Variants in GATAD2A observed in about 807,000 individuals in gnomAD.
The protein encoded by GATAD2A is transcriptional repressor p66-alpha.
GATAD2A carries 12 observed loss-of-function variants against 68.5 expected under a neutral mutation model. That is an observed-to-expected ratio of 0.18 (90% CI 0.11 to 0.28). The LOEUF (loss-of-function observed/expected upper bound fraction) is 0.28, where lower values mean the gene tolerates loss of function less well. GATAD2A is among the 10% of genes least tolerant of loss of function. The pLI, the probability that GATAD2A is intolerant of heterozygous loss-of-function variation, is 1.00. For missense variants in GATAD2A, 755 were observed against 868.5 expected (o/e 0.87, Z 1.64); for synonymous variants, 410 against 375.3 (o/e 1.09, Z -1.07).
chr19:19,474,119 G>T, intron 2 of GATAD2A: 1 of 985,326 alleles, frequency 1.0e-6, no homozygotes, highest in Non-Finnish European at 1.2e-6. Context: ...TGGAAAAAAG[G>T]TGTGCATCAC....
intron 1 of GATAD2A, among the ~76,000 whole-genome samples, chr19:19,459,854 C>A (rs1386871999): frequency 6.6e-6 from 1 of 152,240 alleles, no homozygotes; most frequent in Non-Finnish European, 1.5e-5. Flanking sequence ...GCTTGGAACA[C>A]CTTTCTGTCT....
chr19:19,444,137 C>T (rs1474817978), intron 1 of GATAD2A, among the ~76,000 whole-genome samples: 5 of 152,074 alleles, frequency 3.3e-5, no homozygotes, highest in Non-Finnish European at 5.9e-5. Context: ...TCCTTCCTGT[C>T]GCCTCCCTGC....
chr19:19,489,651 C>T (rs2148358105), intron 2 of GATAD2A, among the ~76,000 whole-genome samples: 1 of 152,356 alleles, frequency 6.6e-6, no homozygotes, highest in African/African-American at 2.4e-5. Context: ...CCCTCGCCTA[C>T]CCTCTTCCTT....
In GATAD2A at chr19:19,460,736, C is replaced by A. The variant is rs73002949; in HGVS notation, c.-6-4604C>A. ...AGCAACCCCCTCCGGAGTGCCCCAA[C>A]TCCCCTCTGCTCTGTCCCCTTCCCC... On this transcript the variant is annotated intron_variant, in intron 1 of 11. Coordinates refer to ENST00000683918, the MANE Select transcript of GATAD2A (RefSeq NM_001384528.1). Among the ~76,000 whole-genome samples, 536 of 152,322 alleles carry A rather than the reference C, an allele frequency of 3.5e-3. 6 individuals are homozygous for A. The highest frequency in any genetic ancestry group is 5.5e-3 in the Non-Finnish European group (377 of 68,024).
At chr19:19,470,391 C>T (rs1260595046) in intron 2 of GATAD2A, among the ~76,000 whole-genome samples, 1 of 152,196 alleles carries the variant, frequency 6.6e-6, no homozygotes, top group Non-Finnish European at 1.5e-5. Flanking sequence ...GCCTCACCCT[C>T]CCAAATTGCT....
At chr19:19,425,213 A>T (rs922840287) in intron 1 of GATAD2A, among the ~76,000 whole-genome samples, 1 of 152,126 alleles carries the variant, frequency 6.6e-6, no homozygotes, top group Admixed American at 6.6e-5. Context: ...TGGGGAGGCT[A>T]TTTGGGTGGC....
At chr19:19,434,182 G>C (rs1211869201) in intron 1 of GATAD2A, among the ~76,000 whole-genome samples, 3 of 152,116 alleles carry the variant, frequency 2.0e-5, no homozygotes, top group Non-Finnish European at 4.4e-5. Context: ...TGATTGGTTT[G>C]TGCCTGTGTG....
intron 2 of GATAD2A, among the ~76,000 whole-genome samples, chr19:19,490,678 T>TC (rs1479643389): frequency 2.0e-5 from 3 of 151,814 alleles, no homozygotes; most frequent in African/African-American, 4.8e-5. Context: ...GGTCAGGAGT[T>TC]CAAGACCACC....
intron 1 of GATAD2A, among the ~76,000 whole-genome samples, chr19:19,442,770 TGA>T (rs1491105989): frequency 2.5e-5 from 3 of 118,848 alleles, no homozygotes; most frequent in African/African-American, 1.0e-4. Flanking sequence ...CCCCCCAAGC[TGA>T]AAAAAAAAAA....
chr19:19,401,218 T>A (rs2049711905), upstream of GATAD2A, among the ~76,000 whole-genome samples: 1 of 145,932 alleles, frequency 6.9e-6, no homozygotes, highest in South Asian at 2.2e-4. Flanking sequence ...TTGGCTTTTT[T>A]TTTTTTTTTT....
chr19:19,448,737 G>T (rs1043367889), intron 1 of GATAD2A, among the ~76,000 whole-genome samples: 3 of 152,074 alleles, frequency 2.0e-5, no homozygotes, highest in African/African-American at 7.2e-5. Flanking sequence ...TGATCCGCCC[G>T]CCTCAGCCTC....
chr19:19,386,413 AGGGGACCCCGTCTCTCTT>A (rs541526174), intron 1 of GATAD2A, among the ~76,000 whole-genome samples: 1,549 of 151,302 alleles, frequency 0.01, 8 homozygotes, highest in South Asian at 0.022. Flanking sequence ...TTGCCTCTCT[AGGGGACCCCGTCTCTCTT>A]GGGGACCCCG....
Position 19,415,966 on chromosome 19 carries a change from T to TC in GATAD2A, c.-7+9954dup, listed in dbSNP as rs1555804293. Among the ~76,000 whole-genome samples the TC allele has an allele frequency of 3.8e-3, 572 of 150,566 alleles. 4 individuals are homozygous for TC. The South Asian group carries it at 0.041, about 11-fold the overall frequency. On this transcript the variant is annotated intron_variant, in intron 1 of 11. Coordinates refer to ENST00000683918, the MANE Select transcript of GATAD2A (RefSeq NM_001384528.1). ...CTACTTTTCCCTGTATGGTTTTTTT[T>TC]CCCCCCCAAGAGACATGGTTTTGCT...
At chr19:19,394,880 C>A (rs977792970) in intron 1 of GATAD2A, among the ~76,000 whole-genome samples, 1 of 152,084 alleles carries the variant, frequency 6.6e-6, no homozygotes, top group Non-Finnish European at 1.5e-5. Flanking sequence ...GAGAGCAAGG[C>A]GGGATATTCA....
At chr19:19,473,806 C>T (rs895776086) in intron 2 of GATAD2A, among the ~76,000 whole-genome samples, 2 of 150,212 alleles carry the variant, frequency 1.3e-5, no homozygotes, top group African/African-American at 4.9e-5. Context: ...ATTAGCCGGG[C>T]GTAGTGGTGG....
intron 1 of GATAD2A, chr19:19,427,864 T>C (rs1172168037): frequency 6.6e-6 from 1 of 151,948 alleles, no homozygotes; most frequent in East Asian, 1.9e-4. Flanking sequence ...AATAGGGACA[T>C]TTTTAGTATT....
upstream of GATAD2A, among the ~76,000 whole-genome samples, chr19:19,403,561 TAAAA>T (rs375757555): frequency 4.2e-5 from 6 of 144,250 alleles, no homozygotes. Flanking sequence ...GCCTCCCTCT[TAAAA>T]AAAAAAAGGG....
intron 1 of GATAD2A, among the ~76,000 whole-genome samples, chr19:19,414,165 T>C (rs551989632): frequency 2.0e-5 from 3 of 152,288 alleles, no homozygotes; most frequent in Admixed American, 6.5e-5. Flanking sequence ...TAGGTTCAAA[T>C]GTAATTGCAG....
At chr19:19,428,054 G>A (rs1207170524) in intron 1 of GATAD2A, 1 of 152,092 alleles carries the variant, frequency 6.6e-6, no homozygotes, top group Non-Finnish European at 1.5e-5. Flanking sequence ...CAGTGTGTTG[G>A]TATTTTTATT....
Sources: gnomAD v4.1 joint callset for allele counts (sites outside exome capture counted in the v4.1 genomes callset) on GRCh38, gnomAD v4.1.1 for gene constraint, MANE v1.5 for transcripts, NCBI Gene and HGNC (gene_info 2026-07-23, HGNC 2026-07-21) for gene names.